Variants in HOXA13 observed in about 807,000 individuals in gnomAD.
HOXA13 encodes homeobox protein Hox-A13.
In HOXA13, 5 loss-of-function variants were observed where a neutral mutation model predicts 25.7. The ratio of observed to expected loss-of-function variants is 0.19; its 90% CI spans 0.10 to 0.41. The LOEUF (loss-of-function observed/expected upper bound fraction) is 0.41. Ranked by LOEUF, HOXA13 falls within the 10% of genes least tolerant of loss-of-function variation. HOXA13 has a pLI of 1.00. For synonymous variants in HOXA13, 284 were observed against 241.1 expected (o/e 1.18, Z -1.65); for missense variants, 557 against 533.5 (o/e 1.04, Z -0.43).
At position 27,198,174 on chromosome 7, in the gene HOXA13, C is replaced by G. The variant is rs375825948; in HGVS notation, c.*24G>C. On this transcript the variant is annotated 3_prime_UTR_variant, in exon 2 of 2. Transcript: ENST00000649031. The stretch of plus-strand genomic sequence containing the variant: ...AGTTCTGAAGCGTTTCTTCAAGTTG[C>G]CTTCTTGCTCTATTTTTAATCCATT... 1 of 1,613,586 alleles carries G rather than the reference C, an allele frequency of 6.2e-7. No individual in the cohort carries two copies. Among genetic ancestry groups the G allele is most frequent in the South Asian group, 1.1e-5 (1 of 91,036 alleles).
At position 27,195,461 on chromosome 7, in the gene HOXA13, A is replaced by T. The variant is rs1444949719; in HGVS notation, c.*2737T>A. ...CATAGCATAGATTTGACAAAAACAC[A>T]TTATCCTATGTGTATATTAAATATA... On this transcript the variant is annotated 3_prime_UTR_variant, in exon 2 of 2. Coordinates refer to ENST00000649031, the MANE Select transcript of HOXA13 (RefSeq NM_000522.5). 1.3e-5 allele frequency: 2 copies of T among 152,238 alleles called. No homozygotes were observed. Among genetic ancestry groups the T allele is most frequent in the African/African-American group, 4.8e-5 (2 of 41,458 alleles). The allele number at this position is 152,238 out of a possible 1,614,324, so 9.4% of individuals were successfully genotyped here. A position where few individuals can be genotyped will look rare whatever the true frequency, so the allele number is the denominator to read the frequency against.
In HOXA13 at chr7:27,196,388, A is replaced by T. The variant is rs1303343587; in HGVS notation, c.*1810T>A. 6.6e-6 allele frequency: 1 copy of T among 152,206 alleles called. No homozygotes were observed. The highest frequency in any genetic ancestry group is 1.9e-4 in the East Asian group (1 of 5,194). The allele number at this position is 152,206 out of a possible 1,614,324, so 9.4% of individuals were successfully genotyped here. The stretch of plus-strand genomic sequence containing the variant: ...TTGTCAACGCGAGGTGGCGCCCTTG[A>T]TCTACTAATCCAGCTAAGGCCAATT... On this transcript the variant is annotated 3_prime_UTR_variant, in exon 2 of 2. Coordinates refer to ENST00000649031, the MANE Select transcript of HOXA13 (RefSeq NM_000522.5).
rs780028366 is a variant in HOXA13, at chr7:27,198,463, C to G, written c.923-21G>C. Reference sequence around the variant, plus strand: ...CACGTCTAGAAGACAAGGGAGAAGGCAAGTTACACAGGGATCGGACCCCAG... The same window carrying G: ...CACGTCTAGAAGACAAGGGAGAAGGGAAGTTACACAGGGATCGGACCCCAG... On this transcript the variant is annotated intron_variant, in intron 1 of 1. Coordinates refer to ENST00000649031, the MANE Select transcript of HOXA13 (RefSeq NM_000522.5). 5 of 1,612,802 alleles carry G rather than the reference C, an allele frequency of 3.1e-6. No homozygotes were observed. In the South Asian group the frequency reaches 5.5e-5, roughly 18 times the overall value.
chr7:27,199,679 C>A lies in HOXA13; in HGVS notation c.399G>T (p.Ala133=). Residue 133 remains alanine, a synonymous_variant, in exon 1 of 2, where the codon GCG becomes GCT. Coordinates refer to ENST00000649031, the MANE Select transcript of HOXA13 (RefSeq NM_000522.5). Reference sequence around the variant, plus strand: ...CCGGGCCGGGACCTCCCGAGGACGACGCGGCGGCGGCGGCGGCGGCTGCAG... The same window carrying A: ...CCGGGCCGGGACCTCCCGAGGACGAAGCGGCGGCGGCGGCGGCGGCTGCAG... ...AAAAAAAAAA[A]SSSGGPGPAG... The A allele has an allele frequency of 4.3e-6, 5 of 1,160,856 alleles. No individual in the cohort carries two copies. The highest frequency in any genetic ancestry group is 5.3e-6 in the Non-Finnish European group (5 of 944,640). 71.9% of individuals were successfully genotyped at this position (1,160,856 alleles called of 1,614,324 possible). A position where few individuals can be genotyped will look rare whatever the true frequency, so the allele number is the denominator to read the frequency against.
chr7:27,197,914 T>C lies in HOXA13; in HGVS notation c.*284A>G, dbSNP rs563230974. ...TACAAGATTTCAGTAACTGCGTAAC[T>C]TATCTGAAATTGCGTATTTTGGGGG... On this transcript the variant is annotated 3_prime_UTR_variant, in exon 2 of 2. Coordinates refer to ENST00000649031, the MANE Select transcript of HOXA13 (RefSeq NM_000522.5). 11 of 492,648 alleles carry C rather than the reference T, an allele frequency of 2.2e-5. No homozygotes were observed. Among genetic ancestry groups the C allele is most frequent in the Admixed American group, 3.6e-5 (1 of 27,676 alleles). The allele number at this position is 492,648 out of a possible 1,614,324, so 30.5% of individuals were successfully genotyped here.
In HOXA13 at chr7:27,194,515, T is replaced by C. The variant is rs1441356970; in HGVS notation, c.*3683A>G. On this transcript the variant is annotated 3_prime_UTR_variant, in exon 2 of 2. Coordinates refer to ENST00000649031, the MANE Select transcript of HOXA13 (RefSeq NM_000522.5). ...TTTCAGGAGGTGGCTGGTCTCTCCT[T>C]GATTTTTGTTTTTGTTTTTGTTTTT... 1 of 152,220 alleles carries C rather than the reference T, an allele frequency of 6.6e-6. No homozygotes were observed. Among genetic ancestry groups the C allele is most frequent in the Non-Finnish European group, 1.5e-5 (1 of 68,054 alleles). The allele number at this position is 152,220 out of a possible 1,614,324, so 9.4% of individuals were successfully genotyped here.
rs199871426 is a variant in HOXA13 at position 27,199,192 on chromosome 7, C to G, written c.886G>C (p.Ala296Pro). The change falls in exon 1 of 2, where the codon GCG (alanine) becomes CCG (proline). Residue 296 changes from alanine to proline, a missense_variant. By Grantham distance (27) the Ala-to-Pro change is conservative. Coordinates refer to ENST00000649031, the MANE Select transcript of HOXA13 (RefSeq NM_000522.5). ...GACTTCCAGAGGTGGGGAGGCTGCG[C>G]CTGCTCTTTGGGGCAGTACATTTGG... The part of the protein sequence containing the change: ...NGQMYCPKEQ[A>P]QPPHLWKSTL... 12 of 1,612,718 alleles carry G rather than the reference C, an allele frequency of 7.4e-6. No homozygotes were observed. Among genetic ancestry groups the G allele is most frequent in the Non-Finnish European group, 1.0e-5 (12 of 1,179,458 alleles).
At position 27,196,492 on chromosome 7, in the gene HOXA13, T is replaced by C. The variant is rs1784005312; in HGVS notation, c.*1706A>G. On this transcript the variant is annotated 3_prime_UTR_variant, in exon 2 of 2. Coordinates refer to ENST00000649031, the MANE Select transcript of HOXA13 (RefSeq NM_000522.5). The stretch of plus-strand genomic sequence containing the variant: ...AGGTTTAAGGCCTTTCGTAGTCCTG[T>C]CATTTCAACAAATATCAAAACCTGC... 1 of 152,240 alleles carries C rather than the reference T, an allele frequency of 6.6e-6. No individual in the cohort carries two copies. 9.4% of individuals were successfully genotyped at this position (152,240 alleles called of 1,614,324 possible).
rs1164804791 is a variant in HOXA13, at chr7:27,194,984, C to T, written c.*3214G>A. On this transcript the variant is annotated 3_prime_UTR_variant, in exon 2 of 2. Coordinates refer to ENST00000649031, the MANE Select transcript of HOXA13 (RefSeq NM_000522.5). ...CCAGCTTTGAGGGGATTTTCCACCA[C>T]TTTAAACATTTTGGGAGAAAGTTGT... The T allele has an allele frequency of 6.6e-6, 1 of 152,224 alleles. No homozygotes were observed. Among genetic ancestry groups the T allele is most frequent in the African/African-American group, 2.4e-5 (1 of 41,448 alleles). 9.4% of individuals were successfully genotyped at this position (152,224 alleles called of 1,614,324 possible).
At position 27,197,973 on chromosome 7, in the gene HOXA13, G is replaced by C; in HGVS notation, c.*225C>G. 1.7e-6 allele frequency: 1 copy of C among 586,554 alleles called. No homozygotes were observed. The highest frequency in any genetic ancestry group is 3.0e-6 in the Non-Finnish European group (1 of 333,244). The allele number at this position is 586,554 out of a possible 1,614,324, so 36.3% of individuals were successfully genotyped here. A position where few individuals can be genotyped will look rare whatever the true frequency, so the allele number is the denominator to read the frequency against. On this transcript the variant is annotated 3_prime_UTR_variant, in exon 2 of 2. Coordinates refer to ENST00000649031, the MANE Select transcript of HOXA13 (RefSeq NM_000522.5). ...TGACATTTAACGGGCTGGGCTGATGGGGTTGGCGGAAGAACTGGCAGTCTT... is the reference window on the plus strand; with the variant it reads ...TGACATTTAACGGGCTGGGCTGATGCGGTTGGCGGAAGAACTGGCAGTCTT...
At chr7:27,198,923 G>A (rs1784044616) in intron 1 of HOXA13, among the ~76,000 whole-genome samples, 1 of 152,086 alleles carries the variant, frequency 6.6e-6, no homozygotes, top group Non-Finnish European at 1.5e-5. Context: ...GAGGGAGAGG[G>A]AAGCTAGCCG....
chr7:27,198,497 T>C lies in HOXA13; in HGVS notation c.923-55A>G. The C allele has an allele frequency of 9.3e-6, 15 of 1,608,384 alleles. No homozygotes were observed. The Middle Eastern group carries it at 1.3e-3, about 143-fold the overall frequency. On this transcript the variant is annotated intron_variant, in intron 1 of 1. Transcript: ENST00000649031. Reference sequence around the variant, plus strand: ...CAGGGATCGGACCCCAGCCAGGGCATAGGCGACAGCTCGATCTGAGCCACC... The same window carrying C: ...CAGGGATCGGACCCCAGCCAGGGCACAGGCGACAGCTCGATCTGAGCCACC...
chr7:27,198,323 T>C lies in HOXA13; in HGVS notation c.1042A>G (p.Thr348Ala). 1 of 1,614,246 alleles carries C rather than the reference T, an allele frequency of 6.2e-7. No individual in the cohort carries two copies. Among genetic ancestry groups the C allele is most frequent in the Non-Finnish European group, 8.5e-7 (1 of 1,180,052 alleles). ...GATATCCGCCTCCGTTTGTCCTTAG[T>C]AATGAATTTATTCGTGGCGTATTCC... The part of the protein sequence containing the change: ...EREYATNKFI[T>A]KDKRRRISAT... The change falls in exon 2 of 2, where the codon ACT (threonine) becomes GCT (alanine). Residue 348 changes from threonine (T) to alanine (A), a missense_variant. Coordinates refer to ENST00000649031, the MANE Select transcript of HOXA13 (RefSeq NM_000522.5).
chr7:27,196,394 T>C lies in HOXA13; in HGVS notation c.*1804A>G, dbSNP rs1237160387. On this transcript the variant is annotated 3_prime_UTR_variant, in exon 2 of 2. Coordinates refer to ENST00000649031, the MANE Select transcript of HOXA13 (RefSeq NM_000522.5). ...ACGCGAGGTGGCGCCCTTGATCTACTAATCCAGCTAAGGCCAATTCATGAG... is the reference window on the plus strand; with the variant it reads ...ACGCGAGGTGGCGCCCTTGATCTACCAATCCAGCTAAGGCCAATTCATGAG... 1.3e-5 allele frequency: 2 copies of C among 152,228 alleles called. No individual in the cohort carries two copies. The highest frequency in any genetic ancestry group is 6.5e-5 in the Admixed American group (1 of 15,286). The allele number at this position is 152,228 out of a possible 1,614,324, so 9.4% of individuals were successfully genotyped here.
Position 27,195,951 on chromosome 7 carries a change from C to T in HOXA13, c.*2247G>A, listed in dbSNP as rs978412284. 2.6e-5 allele frequency: 4 copies of T among 152,316 alleles called. 1 individual carries two copies. The highest frequency in any genetic ancestry group is 9.6e-5 in the African/African-American group (4 of 41,568). 9.4% of individuals were successfully genotyped at this position (152,316 alleles called of 1,614,324 possible). ...TTTAAGAACACATCTTAGACTGTAA[C>T]AAAAATGTACAGCTTTAAAGCAGAT... On this transcript the variant is annotated 3_prime_UTR_variant, in exon 2 of 2. Transcript: ENST00000649031.
Position 27,194,618 on chromosome 7 carries a change from C to A in HOXA13, c.*3580G>T, listed in dbSNP as rs746506748. ...ATAATCCATGCCCACTTTAGGTTAT[C>A]TGGTAGATCCACAGAAATTTTAAAT... is the stretch of plus-strand genomic sequence containing the variant. On this transcript the variant is annotated 3_prime_UTR_variant, in exon 2 of 2. Coordinates refer to ENST00000649031, the MANE Select transcript of HOXA13 (RefSeq NM_000522.5). 6.6e-6 allele frequency: 1 copy of A among 152,088 alleles called. No homozygotes were observed. The highest frequency in any genetic ancestry group is 1.5e-5 in the Non-Finnish European group (1 of 68,040). The allele number at this position is 152,088 out of a possible 1,614,324, so 9.4% of individuals were successfully genotyped here.
chr7:27,200,048 GC>G lies in HOXA13; in HGVS notation c.29del (p.Arg10ProfsTer81). The G allele has an allele frequency of 6.8e-7, 1 of 1,480,688 alleles. No homozygotes were observed. Among genetic ancestry groups the G allele is most frequent in the Non-Finnish European group, 9.1e-7 (1 of 1,100,150 alleles). The allele number at this position is 1,480,688 out of a possible 1,614,324, so 91.7% of individuals were successfully genotyped here. A position where few individuals can be genotyped will look rare whatever the true frequency, so the allele number is the denominator to read the frequency against. On this transcript the variant is annotated frameshift_variant, in exon 1 of 2. Transcript: ENST00000649031. LOFTEE classifies it high-confidence loss of function. ...GAAACATGACGGTGGGCTCGATCCA[GC>G]GGGGGTGGAGGAGCACGGAGGCTGT... is the stretch of plus-strand genomic sequence containing the variant. Reference protein sequence around the residue: MTASVLLHPRWIEPTVMFLY... With the variant: MTASVLLHPXWIEPTVMFLY...
rs1784029978 is a variant in HOXA13 at position 27,198,288 on chromosome 7, C to A, written c.1077G>T (p.Thr359=). ...KDKRRRISAT[T]NLSERQVTIW... is the part of the protein sequence containing the mutation. ...TTGTGACCTGCCGCTCAGAGAGATT[C>A]GTCGTGGCTGATATCCGCCTCCGTT... Residue 359 remains threonine, a synonymous_variant, in exon 2 of 2, where the codon ACG becomes ACT. Coordinates refer to ENST00000649031, the MANE Select transcript of HOXA13 (RefSeq NM_000522.5). The A allele has an allele frequency of 1.2e-6, 2 of 1,614,090 alleles. No homozygotes were observed. The highest frequency in any genetic ancestry group is 1.3e-5 in the African/African-American group (1 of 74,932).
chr7:27,197,835 C>A lies in HOXA13; in HGVS notation c.*363G>T. The A allele has an allele frequency of 2.9e-6, 1 of 348,558 alleles. No individual in the cohort carries two copies. The highest frequency in any genetic ancestry group is 5.3e-6 in the Non-Finnish European group (1 of 188,360). The allele number at this position is 348,558 out of a possible 1,614,324, so 21.6% of individuals were successfully genotyped here. A position where few individuals can be genotyped will look rare whatever the true frequency, so the allele number is the denominator to read the frequency against. ...GCCTCTTGCGTTTGTAACCAACTTC[C>A]AGATTATTACCATCTAACGCAGTGT... On this transcript the variant is annotated 3_prime_UTR_variant, in exon 2 of 2. Coordinates refer to ENST00000649031, the MANE Select transcript of HOXA13 (RefSeq NM_000522.5).
Sources: gnomAD v4.1 joint callset for allele counts (sites outside exome capture counted in the v4.1 genomes callset) on GRCh38, gnomAD v4.1.1 for gene constraint, MANE v1.5 for transcripts, NCBI Gene and HGNC (gene_info 2026-07-23, HGNC 2026-07-21) for gene names.